Variants in LRRC3B observed in about 807,000 individuals in gnomAD.
LRRC3B encodes the protein leucine-rich repeat-containing protein 3B.
Under a neutral mutation model 12.8 loss-of-function variants are expected in LRRC3B, and 2 were observed. The ratio of observed to expected loss-of-function variants is 0.16; its 90% confidence interval spans 0.06 to 0.49. LRRC3B has a LOEUF of 0.49. Among genes scored for constraint, LRRC3B ranks in the 20% least tolerant of loss-of-function variants. The pLI is 0.96. For missense variants in LRRC3B, 189 were observed against 319.4 expected (o/e 0.59, Z 3.11); for synonymous variants, 132 against 122.0 (o/e 1.08, Z -0.54).
chr3:26,682,697 G>T (rs1216520558), intron 1 of LRRC3B, among the ~76,000 whole-genome samples: 3 of 152,092 alleles, frequency 2.0e-5, no homozygotes, highest in African/African-American at 7.2e-5. Context: ...AGTACCACTG[G>T]GCCTCTGCAC....
At chr3:26,653,532 T>C (rs1416224747) in intron 1 of LRRC3B, among the ~76,000 whole-genome samples, 1 of 151,700 alleles carries the variant, frequency 6.6e-6, no homozygotes, top group Admixed American at 6.6e-5. Flanking sequence ...CTGAGAGAGA[T>C]GAAGTATAAA....
At chr3:26,640,167 G>T (rs548408876) in intron 1 of LRRC3B, among the ~76,000 whole-genome samples, 1 of 152,158 alleles carries the variant, frequency 6.6e-6, no homozygotes, top group South Asian at 2.1e-4. Context: ...CCCACTAAGT[G>T]ATTCAAAGAG....
intron 1 of LRRC3B, among the ~76,000 whole-genome samples, chr3:26,691,105 G>GTATGTATA (rs1553605091): frequency 2.4e-5 from 2 of 84,850 alleles, no homozygotes; most frequent in African/African-American, 4.6e-5. Flanking sequence ...GTGTGTGTGT[G>GTATGTATA]TATATATATA....
intron 1 of LRRC3B, among the ~76,000 whole-genome samples, chr3:26,701,026 G>A (rs1700440157): frequency 6.6e-6 from 1 of 151,954 alleles, no homozygotes. Flanking sequence ...GTCCCTGAAT[G>A]CAAACATTAG....
Position 26,685,974 on chromosome 3 carries a change from T to C in LRRC3B, c.-160-23539T>C, listed in dbSNP as rs184904163. Among the ~76,000 whole-genome samples the C allele has an allele frequency of 2.8e-3, 423 of 152,270 alleles. 2 individuals carry two copies. The highest frequency in any genetic ancestry group is 8.4e-3 in the African/African-American group (349 of 41,554). The stretch of plus-strand genomic sequence containing the variant: ...CCTCAGATAGGAAATACCAAGTTCT[T>C]AGGCTTAGTTAAAAAAAGTTACTTG... On this transcript the variant is annotated intron_variant, in intron 1 of 1. Transcript: ENST00000396641.
chr3:26,636,569 T>C (rs1698876275), intron 1 of LRRC3B, among the ~76,000 whole-genome samples: 1 of 152,088 alleles, frequency 6.6e-6, no homozygotes, highest in African/African-American at 2.4e-5. Flanking sequence ...ATGAAGAGTA[T>C]GTATTGACAA....
intron 1 of LRRC3B, among the ~76,000 whole-genome samples, chr3:26,636,922 CTT>C (rs1248218855): frequency 0.037 from 2,231 of 60,504 alleles, 84 homozygotes; most frequent in Non-Finnish European, 0.044. Flanking sequence ...TTCTCTCTTT[CTT>C]TCTTTCTTTC....
chr3:26,635,377 G>A (rs2125403265), intron 1 of LRRC3B, among the ~76,000 whole-genome samples: 1 of 152,292 alleles, frequency 6.6e-6, no homozygotes, highest in African/African-American at 2.4e-5. Context: ...CCAATGTGAT[G>A]GTATTTGGAG....
chr3:26,628,314 A>G (rs192985694), intron 1 of LRRC3B, among the ~76,000 whole-genome samples: 101 of 152,094 alleles, frequency 6.6e-4, no homozygotes, highest in East Asian at 6.2e-3. Flanking sequence ...CTTGGGTAAG[A>G]TATTTGAAAA....
At chr3:26,677,467 C>T (rs1699883999) in intron 1 of LRRC3B, among the ~76,000 whole-genome samples, 1 of 152,156 alleles carries the variant, frequency 6.6e-6, no homozygotes, top group Non-Finnish European at 1.5e-5. Context: ...GCAGGCTGCT[C>T]ACCAGCATTC....
intron 1 of LRRC3B, among the ~76,000 whole-genome samples, chr3:26,648,537 G>T (rs1016990247): frequency 6.6e-6 from 1 of 152,068 alleles, no homozygotes; most frequent in African/African-American, 2.4e-5. Flanking sequence ...CTTTCAAAAT[G>T]AATACTCTCC....
At chr3:26,623,889 A>C (rs1409340344) in intron 1 of LRRC3B, 4 of 152,392 alleles carry the variant, frequency 2.6e-5, no homozygotes, top group Non-Finnish European at 4.4e-5. Flanking sequence ...TGGCTCAGGG[A>C]GGGAAAGGCT....
chr3:26,640,075 C>A (rs1326610965), intron 1 of LRRC3B, among the ~76,000 whole-genome samples: 1 of 152,164 alleles, frequency 6.6e-6, no homozygotes, highest in East Asian at 1.9e-4. Flanking sequence ...TTTTAAAGCA[C>A]CTCTGCCTCT....
intron 1 of LRRC3B, among the ~76,000 whole-genome samples, chr3:26,643,015 C>CAA (rs745665933): frequency 2.8e-5 from 4 of 142,548 alleles, no homozygotes; most frequent in Non-Finnish European, 6.1e-5. Context: ...GACTCCGTTT[C>CAA]AAAAAAAAAA....
At chr3:26,671,219 T>G (rs1189278812) in intron 1 of LRRC3B, among the ~76,000 whole-genome samples, 7 of 143,086 alleles carry the variant, frequency 4.9e-5, no homozygotes, top group Non-Finnish European at 7.6e-5. Flanking sequence ...GTTTCACCGT[T>G]TTAGCCGGGA....
chr3:26,670,013 A>C (rs780166700), intron 1 of LRRC3B, among the ~76,000 whole-genome samples: 9 of 152,110 alleles, frequency 5.9e-5, no homozygotes, highest in Non-Finnish European at 1.2e-4. Flanking sequence ...TGCTTTTTCA[A>C]CTTATTGGTA....
chr3:26,706,132 A>T (rs925203691), intron 1 of LRRC3B, among the ~76,000 whole-genome samples: 19 of 152,254 alleles, frequency 1.2e-4, no homozygotes, highest in Middle Eastern at 3.4e-3. Flanking sequence ...CTGTTTCTTC[A>T]CATGGCAGAA....
In LRRC3B at chr3:26,678,267, G is replaced by A. The variant is rs544376325; in HGVS notation, c.-160-31246G>A. On this transcript the variant is annotated intron_variant, in intron 1 of 1. Transcript: ENST00000396641. The stretch of plus-strand genomic sequence containing the variant: ...CCAGCACTTTGGGAAGCTGAGGTGG[G>A]TGGATCACATGAGACCAGGAGTTTG... Among the ~76,000 whole-genome samples the A allele has an allele frequency of 3.3e-5, 5 of 152,016 alleles. No homozygotes were observed. In the East Asian group the frequency reaches 7.8e-4, roughly 24 times the overall value.
At chr3:26,683,226 G>C (rs1370393793) in intron 1 of LRRC3B, among the ~76,000 whole-genome samples, 1 of 152,162 alleles carries the variant, frequency 6.6e-6, no homozygotes, top group Non-Finnish European at 1.5e-5. Flanking sequence ...CTACAGGCCA[G>C]AGGCATCCTT....
Sources: gnomAD v4.1 joint callset for allele counts (sites outside exome capture counted in the v4.1 genomes callset) on GRCh38, gnomAD v4.1.1 for gene constraint, MANE v1.5 for transcripts, NCBI Gene and HGNC (gene_info 2026-07-23, HGNC 2026-07-21) for gene names.